SNTB1: variants seen among roughly 807,000 people sequenced by gnomAD.
SNTB1 encodes the protein syntrophin beta 1.
In SNTB1, 36 loss-of-function variants were observed where a neutral mutation model predicts 48.9. That is an observed-to-expected ratio of 0.74 (90% CI 0.56 to 0.97). The LOEUF is 0.97. Among genes scored for constraint, SNTB1 ranks in the 50% least tolerant of loss-of-function variants. The probability of loss-of-function intolerance (pLI) is 0.00; values close to 1 mark genes in which losing one functional copy is unlikely to be tolerated. For missense variants in SNTB1, 786 were observed against 703.4 expected (o/e 1.12, Z -1.33); for synonymous variants, 299 against 294.6 (o/e 1.01, Z -0.15).
chr8:120,738,194 C>T (rs372518487), intron 1 of SNTB1, among the ~76,000 whole-genome samples: 3 of 152,230 alleles, frequency 2.0e-5, no homozygotes, highest in African/African-American at 7.2e-5. Flanking sequence ...TGGGCCCTCA[C>T]CAGACACCAA....
intron 1 of SNTB1, among the ~76,000 whole-genome samples, chr8:120,703,902 T>C (rs896174946): frequency 2.0e-5 from 3 of 152,236 alleles, no homozygotes; most frequent in African/African-American, 7.2e-5. Flanking sequence ...TTCTATGAAG[T>C]AGGCATACTA....
intron 1 of SNTB1, among the ~76,000 whole-genome samples, chr8:120,800,596 T>C (rs1334976659): frequency 6.6e-6 from 1 of 151,934 alleles, no homozygotes; most frequent in South Asian, 2.1e-4. Context: ...CAGTCCAGAG[T>C]AGCAGCGCTC....
intron 1 of SNTB1, among the ~76,000 whole-genome samples, chr8:120,705,558 C>T (rs942190606): frequency 6.6e-6 from 1 of 152,104 alleles, no homozygotes. Flanking sequence ...ATGCTAGTGA[C>T]GTTTCAAGCA....
intron 1 of SNTB1, among the ~76,000 whole-genome samples, chr8:120,804,693 C>T (rs984344444): frequency 1.4e-4 from 21 of 152,140 alleles, no homozygotes; most frequent in African/African-American, 4.6e-4. Context: ...ACTTTACCCT[C>T]AATCTGAAAT....
At chr8:120,577,534 T>C (rs1000610673) in intron 3 of SNTB1, among the ~76,000 whole-genome samples, 22 of 152,156 alleles carry the variant, frequency 1.4e-4, no homozygotes, top group African/African-American at 5.3e-4. Context: ...TTCCAACTTC[T>C]ACATTAAATT....
chr8:120,746,070 T>C (rs781312845), intron 1 of SNTB1, among the ~76,000 whole-genome samples: 11 of 151,636 alleles, frequency 7.3e-5, no homozygotes, highest in Non-Finnish European at 1.6e-4. Context: ...CACTGCAGAG[T>C]TGAGCAGAGT....
chr8:120,755,763 T>C (rs1319243906), intron 1 of SNTB1, among the ~76,000 whole-genome samples: 1 of 152,178 alleles, frequency 6.6e-6, no homozygotes, highest in Non-Finnish European at 1.5e-5. Flanking sequence ...AGGTAACACA[T>C]AGTAAGTACT....
chr8:120,538,945 T>C lies in SNTB1; in HGVS notation c.1549A>G (p.Lys517Glu), dbSNP rs1454149573. ...EIQLDLHSCP[K>E]PIVFIIHSFL... ...GAATGAATGATGAAAACAATTGGCT[T>C]GGGGCAGGAATGAAGGTCCAGTTGC... Residue 517 changes from lysine (K) to glutamate (E), a missense_variant, in exon 7 of 7, where the codon AAG becomes GAG. By Grantham distance (56) the Lys-to-Glu change is moderately conservative (BLOSUM62 1). Transcript: ENST00000517992. 6.2e-7 allele frequency: 1 copy of C among 1,613,476 alleles called. No individual in the cohort carries two copies. Among genetic ancestry groups the C allele is most frequent in the East Asian group, 2.2e-5 (1 of 44,886 alleles).
intron 1 of SNTB1, among the ~76,000 whole-genome samples, chr8:120,797,290 G>C (rs1356581999): frequency 6.6e-6 from 1 of 151,984 alleles, no homozygotes; most frequent in East Asian, 1.9e-4. Flanking sequence ...TTTAAATAAA[G>C]TGTACCTGTA....
chr8:120,731,832 G>A (rs564924728), intron 1 of SNTB1, among the ~76,000 whole-genome samples: 162 of 152,324 alleles, frequency 1.1e-3, no homozygotes, highest in Non-Finnish European at 2.0e-3. Flanking sequence ...TCTGGGTTAT[G>A]ATTATGACTT....
intron 3 of SNTB1, among the ~76,000 whole-genome samples, chr8:120,582,751 G>A (rs1043576859): frequency 3.9e-5 from 6 of 152,022 alleles, no homozygotes; most frequent in African/African-American, 1.4e-4. Flanking sequence ...ACACACTGGG[G>A]CCTGTCGGGG....
chr8:120,613,699 T>C (rs1313618929), intron 3 of SNTB1, among the ~76,000 whole-genome samples: 1 of 152,240 alleles, frequency 6.6e-6, no homozygotes, highest in Non-Finnish European at 1.5e-5. Flanking sequence ...TTTTTAAGGA[T>C]AAAATGTAGA....
intron 1 of SNTB1, among the ~76,000 whole-genome samples, chr8:120,767,292 A>G (rs776159279): frequency 6.6e-5 from 10 of 152,178 alleles, no homozygotes; most frequent in Non-Finnish European, 1.3e-4. Flanking sequence ...TTTAAAGTTC[A>G]AGGAAAGCTG....
intron 1 of SNTB1, among the ~76,000 whole-genome samples, chr8:120,782,311 C>T (rs796107349): frequency 1.8e-4 from 27 of 152,164 alleles, no homozygotes; most frequent in African/African-American, 6.3e-4. Context: ...GTTAAGATTT[C>T]AATATATGAA....
At chr8:120,713,908 A>C (rs1393251206) in intron 1 of SNTB1, among the ~76,000 whole-genome samples, 1 of 152,186 alleles carries the variant, frequency 6.6e-6, no homozygotes, top group Non-Finnish European at 1.5e-5. Flanking sequence ...TTACCTGTAA[A>C]GGGCTCTATA....
intron 3 of SNTB1, among the ~76,000 whole-genome samples, chr8:120,594,486 C>T (rs1156931172): frequency 1.3e-5 from 2 of 152,104 alleles, no homozygotes; most frequent in Non-Finnish European, 2.9e-5. Flanking sequence ...GATCCACCTG[C>T]CTCGGCCTCC....
chr8:120,743,793 T>C (rs1253695841), intron 1 of SNTB1, among the ~76,000 whole-genome samples: 2 of 152,198 alleles, frequency 1.3e-5, no homozygotes, highest in African/African-American at 2.4e-5. Flanking sequence ...ACTACTATTA[T>C]ATCACAGGGT....
chr8:120,640,726 A>T (rs1817179466), intron 2 of SNTB1, among the ~76,000 whole-genome samples: 1 of 152,204 alleles, frequency 6.6e-6, no homozygotes, highest in African/African-American at 2.4e-5. Flanking sequence ...CCAGGGATGA[A>T]GCCCACTTGA....
At chr8:120,614,450 T>G (rs1319736225) in intron 3 of SNTB1, among the ~76,000 whole-genome samples, 1 of 152,234 alleles carries the variant, frequency 6.6e-6, no homozygotes, top group Admixed American at 6.5e-5. Context: ...GTAGAAATTC[T>G]TTACACCACT....
Sources: gnomAD v4.1 joint callset for allele counts (sites outside exome capture counted in the v4.1 genomes callset) on GRCh38, gnomAD v4.1.1 for gene constraint, MANE v1.5 for transcripts, NCBI Gene and HGNC (gene_info 2026-07-23, HGNC 2026-07-21) for gene names.